STOX2: variants seen among roughly 807,000 people sequenced by gnomAD.
STOX2 encodes storkhead-box protein 2.
STOX2 carries 28 observed loss-of-function variants against 60.9 expected under a neutral mutation model. That is an observed-to-expected ratio of 0.46 (90% CI 0.34 to 0.63). The LOEUF (loss-of-function observed/expected upper bound fraction) is 0.63. STOX2 is among the 30% of genes least tolerant of loss of function. The pLI is 0.01. For synonymous variants in STOX2, 472 were observed against 463.9 expected (o/e 1.02, Z -0.22); for missense variants, 1,024 against 1,187.7 (o/e 0.86, Z 2.03).
At chr4:183,866,418 C>G (rs1740569035) in intron 1 of STOX2, among the ~76,000 whole-genome samples, 1 of 152,100 alleles carries the variant, frequency 6.6e-6, no homozygotes, top group African/African-American at 2.4e-5. Flanking sequence ...TCCTGTTTCT[C>G]CTGGTGTTCT....
At chr4:183,828,160 T>C (rs993348676) in intron 1 of STOX2, among the ~76,000 whole-genome samples, 19 of 152,228 alleles carry the variant, frequency 1.2e-4, no homozygotes, top group African/African-American at 4.6e-4. Context: ...AAATGTTTAT[T>C]GTGCCCATGT....
chr4:183,965,183 G>A (rs551886633), intron 1 of STOX2, among the ~76,000 whole-genome samples: 7 of 152,300 alleles, frequency 4.6e-5, no homozygotes, highest in Middle Eastern at 3.4e-3. Flanking sequence ...TGGTGACAAG[G>A]CATGTGGAAT....
chr4:183,842,042 A>G (rs1475922509), intron 1 of STOX2, among the ~76,000 whole-genome samples: 2 of 152,224 alleles, frequency 1.3e-5, no homozygotes, highest in East Asian at 3.8e-4. Flanking sequence ...TGGATAATGA[A>G]GCCACTTGAT....
chr4:183,888,152 T>G (rs1225369910), intron 1 of STOX2, among the ~76,000 whole-genome samples: 1 of 152,170 alleles, frequency 6.6e-6, no homozygotes, highest in African/African-American at 2.4e-5. Flanking sequence ...GTTGGAGACC[T>G]TCAATTGTCT....
chr4:183,813,576 C>T (rs575383241), intron 1 of STOX2, among the ~76,000 whole-genome samples: 9 of 152,168 alleles, frequency 5.9e-5, no homozygotes, highest in South Asian at 4.2e-4. Context: ...TCCTCTGTAC[C>T]GAGGGAGGCC....
intron 1 of STOX2, among the ~76,000 whole-genome samples, chr4:183,920,496 C>T (rs1199231998): frequency 2.6e-5 from 4 of 152,172 alleles, no homozygotes; most frequent in Non-Finnish European, 5.9e-5. Context: ...ACTGTAGAAG[C>T]CTGTGCTGTA....
At chr4:183,915,830 A>G (rs370355634) in intron 1 of STOX2, among the ~76,000 whole-genome samples, 2 of 152,172 alleles carry the variant, frequency 1.3e-5, no homozygotes, top group Admixed American at 6.5e-5. Flanking sequence ...AAACAATCCT[A>G]CTGACACCTG....
intron 1 of STOX2, among the ~76,000 whole-genome samples, chr4:183,967,128 C>T (rs1005077407): frequency 2.0e-5 from 3 of 151,852 alleles, no homozygotes; most frequent in African/African-American, 7.3e-5. Context: ...TTTGGGAGGC[C>T]GAGGTGGGCG....
At chr4:183,916,175 G>A (rs1456576177) in intron 1 of STOX2, among the ~76,000 whole-genome samples, 1 of 152,200 alleles carries the variant, frequency 6.6e-6, no homozygotes, top group Non-Finnish European at 1.5e-5. Flanking sequence ...GGCGTTCCCG[G>A]GCCAGGGGTG....
In STOX2 at chr4:183,824,655, G is replaced by C. The variant is rs151290835; in HGVS notation, c.364+26600G>C. Among the ~76,000 whole-genome samples, 826 of 152,338 alleles carry C rather than the reference G, an allele frequency of 5.4e-3. 3 individuals carry two copies. Among genetic ancestry groups the C allele is most frequent in the African/African-American group, 0.018 (758 of 41,576 alleles). ...TTATATTTATTTGACATGGGATAAA[G>C]TTTTGAGGGAAGCACAGAGTAAAAT... is the stretch of plus-strand genomic sequence containing the variant. On this transcript the variant is annotated intron_variant, in intron 1 of 2. Transcript: ENST00000513034.
chr4:184,017,231 G>A lies in STOX2; in HGVS notation c.2728G>A (p.Glu910Lys). Residue 910 changes from glutamate (E) to lysine (K), a missense_variant, in exon 4 of 4, where the codon GAG (glutamate) becomes AAG (lysine). Around this residue, in one of 3 missense-constraint regions of STOX2, gnomAD observed 922 missense variants for 1,058.3 expected, o/e 0.87. Coordinates refer to ENST00000308497, the MANE Select transcript of STOX2 (RefSeq NM_020225.3). Reference sequence around the variant, plus strand: ...CGCGGAGCCCCCGACAAATGAAGCTGAGAAGCTACAGAAACCTTCCAACTG... The same window carrying A: ...CGCGGAGCCCCCGACAAATGAAGCTAAGAAGCTACAGAAACCTTCCAACTG... ...ASAEPPTNEA[E>K]KLQKPSNCLQ... 1 of 1,608,028 alleles carries A rather than the reference G, an allele frequency of 6.2e-7. No homozygotes were observed. The highest frequency in any genetic ancestry group is 2.2e-5 in the East Asian group (1 of 44,656).
rs1443445438 is a variant in STOX2, at chr4:183,928,644, G to A, written c.166+21688G>A. ...ATCAGTAACCCAGTGAGCCGGCCGA[G>A]CCTGGCACTCTTGCCAACCCGGTGT... On this transcript the variant is annotated intron_variant, in intron 1 of 3. Coordinates refer to ENST00000308497, the MANE Select transcript of STOX2 (RefSeq NM_020225.3). Among the ~76,000 whole-genome samples the A allele has an allele frequency of 2.0e-5, 3 of 152,144 alleles. No individual in the cohort carries two copies. In the East Asian group the frequency reaches 5.8e-4, roughly 29 times the overall value.
chr4:183,951,043 G>T (rs1027597114), intron 1 of STOX2, among the ~76,000 whole-genome samples: 1 of 151,672 alleles, frequency 6.6e-6, no homozygotes, highest in Non-Finnish European at 1.5e-5. Context: ...GTGAAACCCC[G>T]TCTCTACTAA....
Position 183,880,576 on chromosome 4 carries a change from A to G in STOX2, c.364+82521A>G, listed in dbSNP as rs6834080. Among the ~76,000 whole-genome samples the G allele has an allele frequency of 9.4e-3, 1,437 of 152,340 alleles. 20 individuals carry two copies. The highest frequency in any genetic ancestry group is 0.033 in the African/African-American group (1,356 of 41,564). On this transcript the variant is annotated intron_variant, in intron 1 of 2. Transcript: ENST00000513034. Reference sequence around the variant, plus strand: ...TTTCATCTACATTCAACATGTCCAGAAAAAGTATGTTTGGAGACTAGGAGA... The same window carrying G: ...TTTCATCTACATTCAACATGTCCAGGAAAAGTATGTTTGGAGACTAGGAGA...
At position 183,802,548 on chromosome 4, in the gene STOX2, CT is replaced by C. The variant is rs1461047864; in HGVS notation, c.364+4504del. Among the ~76,000 whole-genome samples, 466 of 142,846 alleles carry C rather than the reference CT, an allele frequency of 3.3e-3. 2 individuals are homozygous for C. The highest frequency in any genetic ancestry group is 0.011 in the African/African-American group (413 of 38,980). The allele number at this position is 142,846 out of a possible 152,430, so 93.7% of individuals were successfully genotyped here. On this transcript the variant is annotated intron_variant, in intron 1 of 2. Coordinates refer to the STOX2 transcript ENST00000513034. Reference sequence around the variant, plus strand: ...ACCACTAAGCCTGGCTAATTTTTAACTTTTTTTTTTTGTAGAGACAGGGTCT... The same window carrying C: ...ACCACTAAGCCTGGCTAATTTTTAACTTTTTTTTTTGTAGAGACAGGGTCT...
chr4:183,833,938 C>T (rs1739636979), intron 1 of STOX2, among the ~76,000 whole-genome samples: 1 of 144,650 alleles, frequency 6.9e-6, no homozygotes, highest in African/African-American at 2.5e-5. Context: ...GCCGAGATCC[C>T]GCCACTGCAC....
Position 183,825,586 on chromosome 4 carries a change from G to A in STOX2, c.364+27531G>A, listed in dbSNP as rs550189686. 6.6e-6 allele frequency among the ~76,000 whole-genome samples: 1 copy of A among 152,308 alleles called. No individual in the cohort carries two copies. The highest frequency in any genetic ancestry group is 2.1e-4 in the South Asian group (1 of 4,828). On this transcript the variant is annotated intron_variant, in intron 1 of 2. Coordinates refer to the STOX2 transcript ENST00000513034. The surrounding 1 kb of genome is among the most constrained non-coding windows in gnomAD (Gnocchi z 4.1). ...CCGTGCCTCTGTCCTGCCAACGTGG[G>A]TGCAGCGCCCGACCCCTCCCTGCCC...
At chr4:183,847,465 A>G (rs1215174078) in intron 1 of STOX2, among the ~76,000 whole-genome samples, 3 of 152,236 alleles carry the variant, frequency 2.0e-5, no homozygotes, top group Admixed American at 6.5e-5. Flanking sequence ...CCACCCAGGG[A>G]AAGTTCTGAA....
intron 1 of STOX2, among the ~76,000 whole-genome samples, chr4:183,864,655 A>G (rs1289879104): frequency 1.3e-5 from 2 of 152,050 alleles, no homozygotes; most frequent in East Asian, 3.9e-4. Context: ...CTGCCTCCCA[A>G]CGTGCTGGGA....
Sources: gnomAD v4.1 joint callset for allele counts (sites outside exome capture counted in the v4.1 genomes callset) on GRCh38, gnomAD v4.1.1 for gene constraint, gnomAD v4.1.1 regional missense constraint, Gnocchi (gnomAD v3.1) non-coding constraint, MANE v1.5 for transcripts, NCBI Gene and HGNC (gene_info 2026-07-23, HGNC 2026-07-21) for gene names.